Variants in CHCHD6 observed in about 807,000 individuals in gnomAD.
CHCHD6 encodes the protein coiled-coil-helix-coiled-coil-helix domain containing 6, also known as MICOS complex subunit MIC25.
CHCHD6 carries 28 observed loss-of-function variants against 32.3 expected under a neutral mutation model. The ratio of observed to expected loss-of-function variants is 0.87; its 90% CI spans 0.64 to 1.19. CHCHD6 has a LOEUF of 1.19. CHCHD6 is among the 50% of genes most tolerant of loss of function. The pLI, the probability that CHCHD6 is intolerant of heterozygous loss-of-function variation, is 0.00. For synonymous variants in CHCHD6, 122 were observed against 117.5 expected (o/e 1.04, Z -0.25); for missense variants, 333 against 307.0 (o/e 1.08, Z -0.63).
chr3:126,750,522 T>C (rs943706192), intron 4 of CHCHD6, among the ~76,000 whole-genome samples: 5 of 152,220 alleles, frequency 3.3e-5, no homozygotes, highest in African/African-American at 1.2e-4. Flanking sequence ...CTCCTGGGAA[T>C]TGCTTCAGGA....
At chr3:126,916,430 T>C (rs575714749) in intron 6 of CHCHD6, among the ~76,000 whole-genome samples, 41 of 149,540 alleles carry the variant, frequency 2.7e-4, no homozygotes, top group African/African-American at 9.8e-4. Flanking sequence ...AGGCCAATTA[T>C]CCTGAAATTT....
At chr3:126,860,448 G>A (rs1005682518) in intron 5 of CHCHD6, among the ~76,000 whole-genome samples, 3 of 148,900 alleles carry the variant, frequency 2.0e-5, no homozygotes, top group Non-Finnish European at 4.5e-5. Flanking sequence ...CCTGTTGTGG[G>A]GTTGGGGAAA....
chr3:126,778,020 CAT>C (rs1447844420), intron 4 of CHCHD6, among the ~76,000 whole-genome samples: 1 of 152,200 alleles, frequency 6.6e-6, no homozygotes, highest in African/African-American at 2.4e-5. Context: ...TAAATGGAAT[CAT>C]AGAATATGTG....
At chr3:126,704,782 G>T (rs1441657351) in intron 1 of CHCHD6, among the ~76,000 whole-genome samples, 1 of 152,144 alleles carries the variant, frequency 6.6e-6, no homozygotes, top group Non-Finnish European at 1.5e-5. Context: ...TCCCACCTGG[G>T]CTTTGCCTGG....
chr3:126,727,029 G>T lies in CHCHD6; in HGVS notation c.88-49G>T, dbSNP rs185775974. 19 of 1,332,362 alleles carry T rather than the reference G, an allele frequency of 1.4e-5. No homozygotes were observed. The Admixed American group carries it at 2.7e-4, about 19-fold the overall frequency. 82.5% of individuals were successfully genotyped at this position (1,332,362 alleles called of 1,614,324 possible). On this transcript the variant is annotated intron_variant, in intron 1 of 7. Transcript: ENST00000290913. Reference sequence around the variant, plus strand: ...AATAAAGAGGAGGCTTTGCTTCCAGGCACTTCTGTGACATAACTTTTTCTT... The same window carrying T: ...AATAAAGAGGAGGCTTTGCTTCCAGTCACTTCTGTGACATAACTTTTTCTT...
intron 4 of CHCHD6, among the ~76,000 whole-genome samples, chr3:126,799,796 T>C (rs1395268501): frequency 6.6e-6 from 1 of 152,192 alleles, no homozygotes; most frequent in Non-Finnish European, 1.5e-5. Context: ...TACCACGGCC[T>C]GGAGAAAAAG....
At chr3:126,839,046 G>A (rs1940970074) in intron 4 of CHCHD6, among the ~76,000 whole-genome samples, 1 of 151,836 alleles carries the variant, frequency 6.6e-6, no homozygotes, top group Non-Finnish European at 1.5e-5. Flanking sequence ...GCACCACTAT[G>A]CCCAGCTAAT....
chr3:126,799,036 G>C (rs1938936287), intron 4 of CHCHD6, among the ~76,000 whole-genome samples: 1 of 152,142 alleles, frequency 6.6e-6, no homozygotes, highest in Non-Finnish European at 1.5e-5. Flanking sequence ...CCCTTGCATG[G>C]ACCCCCATGG....
rs1170979676 is a variant in CHCHD6 at position 126,755,321 on chromosome 3, G to T, written c.411+22099G>T. On this transcript the variant is annotated intron_variant, in intron 4 of 7. Transcript: ENST00000290913. ...CTCAGCCCTGTCACTGTATAGGGCAGCCCAAGGCCCAGGGTGAGGCTAGGT... is the reference window on the plus strand; with the variant it reads ...CTCAGCCCTGTCACTGTATAGGGCATCCCAAGGCCCAGGGTGAGGCTAGGT... Among the ~76,000 whole-genome samples, 3 of 152,180 alleles carry T rather than the reference G, an allele frequency of 2.0e-5. No individual in the cohort carries two copies. In the South Asian group the frequency reaches 6.2e-4, roughly 32 times the overall value.
intron 4 of CHCHD6, among the ~76,000 whole-genome samples, chr3:126,745,966 C>G (rs550540599): frequency 1.7e-4 from 26 of 152,298 alleles, no homozygotes; most frequent in African/African-American, 6.0e-4. Flanking sequence ...ACTCCCTGCC[C>G]CCTACACTTG....
At position 126,928,886 on chromosome 3, in the gene CHCHD6, A is replaced by C. The variant is rs146493445; in HGVS notation, c.566+14136A>C. ...AGTTAGATACAGGTTGGGGTCATTC[A>C]TGTGTGGTCACCCTGGGAACTCTAC... On this transcript the variant is annotated intron_variant, in intron 6 of 7. Transcript: ENST00000290913. 3.4e-3 allele frequency among the ~76,000 whole-genome samples: 516 copies of C among 152,268 alleles called. 1 individual carries two copies. Among genetic ancestry groups the C allele is most frequent in the Non-Finnish European group, 6.2e-3 (425 of 68,016 alleles).
At chr3:126,811,558 T>A (rs891756619) in intron 4 of CHCHD6, among the ~76,000 whole-genome samples, 2 of 144,852 alleles carry the variant, frequency 1.4e-5, no homozygotes, top group African/African-American at 5.0e-5. Flanking sequence ...CACTTTTCCA[T>A]TTTTTTTTTT....
chr3:126,875,559 C>T (rs1217259839), intron 5 of CHCHD6, among the ~76,000 whole-genome samples: 2 of 152,172 alleles, frequency 1.3e-5, no homozygotes, highest in Admixed American at 6.5e-5. Context: ...GAGAATTGGG[C>T]TCAAGTTTTG....
intron 4 of CHCHD6, among the ~76,000 whole-genome samples, chr3:126,837,597 A>G (rs1016927160): frequency 6.6e-6 from 1 of 152,196 alleles, no homozygotes; most frequent in Non-Finnish European, 1.5e-5. Flanking sequence ...GTTTAATAAT[A>G]TCTATTTCAC....
chr3:126,889,163 A>G (rs1243002677), intron 5 of CHCHD6, among the ~76,000 whole-genome samples: 1 of 152,142 alleles, frequency 6.6e-6, no homozygotes, highest in Non-Finnish European at 1.5e-5. Flanking sequence ...TAGAAGGCCT[A>G]GGAATGAGGG....
chr3:126,749,705 G>T (rs947374272), intron 4 of CHCHD6, among the ~76,000 whole-genome samples: 1 of 152,202 alleles, frequency 6.6e-6, no homozygotes, highest in African/African-American at 2.4e-5. Context: ...CCTGACCAGT[G>T]CGAAGGGGAC....
At chr3:126,903,289 AC>A (rs1457782562) in intron 5 of CHCHD6, among the ~76,000 whole-genome samples, 1 of 152,108 alleles carries the variant, frequency 6.6e-6, no homozygotes, top group Non-Finnish European at 1.5e-5. Flanking sequence ...GATGCAGAGA[AC>A]CACCCCCGCC....
chr3:126,931,625 A>G (rs1450641097), intron 6 of CHCHD6, among the ~76,000 whole-genome samples: 1 of 152,166 alleles, frequency 6.6e-6, no homozygotes, highest in Non-Finnish European at 1.5e-5. Flanking sequence ...CATTTTAGGT[A>G]GACATGCCAA....
chr3:126,759,396 T>C (rs1277125760), intron 4 of CHCHD6, among the ~76,000 whole-genome samples: 1 of 152,252 alleles, frequency 6.6e-6, no homozygotes, highest in African/African-American at 2.4e-5. Context: ...ATAGGCTACA[T>C]TCAGTTTTCC....
Sources: allele counts gnomAD v4.1 joint callset (sites outside exome capture counted in the v4.1 genomes callset), GRCh38; gene constraint gnomAD v4.1.1; transcripts MANE v1.5; gene names NCBI Gene and HGNC (gene_info 2026-07-23, HGNC 2026-07-21).